The following ZNF607 variants were observed in gnomAD, a reference collection of about 807,000 sequenced individuals.
ZNF607 encodes the protein zinc finger protein 607.
A neutral mutation model predicts 12.8 loss-of-function variants in ZNF607; 5 were observed. That is an observed-to-expected ratio of 0.39 (90% CI 0.20 to 0.82). The LOEUF (loss-of-function observed/expected upper bound fraction) is 0.82, where lower values mean the gene tolerates loss of function less well. ZNF607 is among the 40% of genes least tolerant of loss of function. ZNF607 has a pLI of 0.39. For missense variants in ZNF607, 851 were observed against 859.2 expected (o/e 0.99, Z 0.12); for synonymous variants, 287 against 276.2 (o/e 1.04, Z -0.39).
rs138867404 is a variant in ZNF607 at position 37,705,444 on chromosome 19, G to T, written c.235+2470C>A. On this transcript the variant is annotated intron_variant, in intron 4 of 4. Coordinates refer to ENST00000355202, the MANE Select transcript of ZNF607 (RefSeq NM_032689.5). ...TGGTGGCTCACGCCCCAGCACTTTGGGAGGCTAAGGCAGGCAGATCATCTG... is the reference window on the plus strand; with the variant it reads ...TGGTGGCTCACGCCCCAGCACTTTGTGAGGCTAAGGCAGGCAGATCATCTG... Among the ~76,000 whole-genome samples, 1,005 of 152,160 alleles carry T rather than the reference G, an allele frequency of 6.6e-3. 9 individuals carry two copies. The highest frequency in any genetic ancestry group is 0.012 in the Admixed American group (179 of 15,288).
intron 3 of ZNF607, 27 bp from the exon 4 acceptor site, chr19:37,708,039 A>G (rs1359655112): frequency 3.2e-6 from 5 of 1,576,488 alleles, no homozygotes; most frequent in Non-Finnish European, 4.3e-6. Flanking sequence ...GTGCCACAAA[A>G]TACGGAAATC....
At chr19:37,716,981 C>CT (rs1376141172) in intron 1 of ZNF607, among the ~76,000 whole-genome samples, 1 of 152,118 alleles carries the variant, frequency 6.6e-6, no homozygotes, top group Non-Finnish European at 1.5e-5. Context: ...TATAAAGATT[C>CT]TTTCCTTAGT....
At position 37,698,130 on chromosome 19, in the gene ZNF607, A is replaced by G. The variant is rs747818320; in HGVS notation, c.2001T>C (p.His667=). 2.6e-5 allele frequency: 42 copies of G among 1,614,004 alleles called. No individual in the cohort carries two copies. The East Asian group carries it at 8.9e-4, about 34-fold the overall frequency. ...TACATTTAAAGGGTTTCTCACCAGTATGAACTCTATGATGTATACTAAGTT... is the reference window on the plus strand; with the variant it reads ...TACATTTAAAGGGTTTCTCACCAGTGTGAACTCTATGATGTATACTAAGTT... The part of the protein sequence containing the change: ...SHELSIHHRV[H]TGEKPFKCNK... The change falls in exon 5 of 5, where the codon CAT becomes CAC. Residue 667 remains histidine (H), a synonymous_variant. Coordinates refer to ENST00000355202, the MANE Select transcript of ZNF607 (RefSeq NM_032689.5).
intron 4 of ZNF607, among the ~76,000 whole-genome samples, chr19:37,702,941 ATTTATT>A (rs1436613541): frequency 6.6e-6 from 1 of 151,782 alleles, no homozygotes; most frequent in African/African-American, 2.4e-5. Flanking sequence ...AAATTTATTT[ATTTATT>A]TTTATTTTTA....
chr19:37,700,031 T>A, intron 4 of ZNF607, 136 bp from the exon 5 acceptor site: 1 of 850,718 alleles, frequency 1.2e-6, no homozygotes, highest in Non-Finnish European at 1.7e-6. Context: ...AAAGGAGAGC[T>A]AAAAAAATGA....
In ZNF607 at chr19:37,698,143, T is replaced by A. The variant is rs368954078; in HGVS notation, c.1988A>T (p.His663Leu). The change falls in exon 5 of 5, where the codon CAT becomes CTT. Residue 663 changes from histidine to leucine, a missense_variant. Transcript: ENST00000355202. ...TTTCTCACCAGTATGAACTCTATGA[T>A]GTATACTAAGTTCATGGCTACTATT... is the stretch of plus-strand genomic sequence containing the variant. Reference protein sequence around the residue: ...AFNSSHELSIHHRVHTGEKPF... With the variant: ...AFNSSHELSILHRVHTGEKPF... 6.2e-7 allele frequency: 1 copy of A among 1,613,968 alleles called. No homozygotes were observed. Among genetic ancestry groups the A allele is most frequent in the African/African-American group, 1.3e-5 (1 of 74,934 alleles).
Position 37,698,771 on chromosome 19 carries a change from A to T in ZNF607, c.1360T>A (p.Cys454Ser). The T allele has an allele frequency of 6.2e-7, 1 of 1,613,764 alleles. No homozygotes were observed. Among genetic ancestry groups the T allele is most frequent in the Non-Finnish European group, 8.5e-7 (1 of 1,179,790 alleles). ...GAGGCACAACGAAAGGACTTCCCAC[A>T]TTCTTTACATTCAAAGGGTTTGTAA... ...TGYKPFECKE[C>S]GKSFRCASYL... The change falls in exon 5 of 5, where the codon TGT becomes AGT. Residue 454 changes from cysteine (C) to serine (S), a missense_variant. Physicochemically the swap from Cys to Ser is moderately radical, Grantham distance 112. Transcript: ENST00000355202.
At chr19:37,716,116 T>C (rs974110643) in intron 1 of ZNF607, among the ~76,000 whole-genome samples, 4 of 152,192 alleles carry the variant, frequency 2.6e-5, no homozygotes, top group Non-Finnish European at 5.9e-5. Flanking sequence ...TTGCAACACA[T>C]TGACTTACAG....
intron 1 of ZNF607, among the ~76,000 whole-genome samples, chr19:37,713,267 A>C (rs940732838): frequency 6.6e-6 from 1 of 151,992 alleles, no homozygotes; most frequent in African/African-American, 2.4e-5. Flanking sequence ...AAATCTCTCC[A>C]AACAGACTCT....
chr19:37,715,385 C>T (rs548039734), intron 1 of ZNF607, among the ~76,000 whole-genome samples: 352 of 151,182 alleles, frequency 2.3e-3, no homozygotes, highest in South Asian at 4.2e-3. Context: ...GAGGCTGAGG[C>T]GGGCGGATCA....
At position 37,696,714 on chromosome 19, in the gene ZNF607, C is replaced by T. The variant is rs1257696789; in HGVS notation, c.*1326G>A. On this transcript the variant is annotated 3_prime_UTR_variant, in exon 5 of 5. Coordinates refer to ENST00000355202, the MANE Select transcript of ZNF607 (RefSeq NM_032689.5). Reference sequence around the variant, plus strand: ...GGTATGCAATGTCTTCTGCAGCTTCCAGCTTGCACAGCTCGCTCTGGCCGT... The same window carrying T: ...GGTATGCAATGTCTTCTGCAGCTTCTAGCTTGCACAGCTCGCTCTGGCCGT... 3 of 836,570 alleles carry T rather than the reference C, an allele frequency of 3.6e-6. No homozygotes were observed. Among genetic ancestry groups the T allele is most frequent in the East Asian group, 5.1e-5 (2 of 38,972 alleles). The allele number at this position is 836,570 out of a possible 1,614,324, so 51.8% of individuals were successfully genotyped here.
chr19:37,711,297 A>C (rs958575526), intron 2 of ZNF607, among the ~76,000 whole-genome samples: 18 of 152,354 alleles, frequency 1.2e-4, no homozygotes, highest in African/African-American at 4.3e-4. Context: ...TGACAAAACC[A>C]ACCTGAAATG....
chr19:37,714,845 AC>A, intron 1 of ZNF607, among the ~76,000 whole-genome samples: 1 of 152,264 alleles, frequency 6.6e-6, no homozygotes, highest in Non-Finnish European at 1.5e-5. Flanking sequence ...GTTAAAAAAT[AC>A]CACATGCTCA....
chr19:37,710,675 C>G (rs958046216), intron 2 of ZNF607, among the ~76,000 whole-genome samples: 3 of 152,082 alleles, frequency 2.0e-5, no homozygotes, highest in African/African-American at 7.2e-5. Context: ...AGGTATCTGA[C>G]CTTTTTGAAA....
At chr19:37,714,991 C>G (rs1281703370) in intron 1 of ZNF607, among the ~76,000 whole-genome samples, 1 of 152,022 alleles carries the variant, frequency 6.6e-6, no homozygotes, top group Non-Finnish European at 1.5e-5. Flanking sequence ...ACTGCAACCT[C>G]CACCTCCCAG....
At chr19:37,713,937 C>G (rs190152374) in intron 1 of ZNF607, among the ~76,000 whole-genome samples, 1 of 152,236 alleles carries the variant, frequency 6.6e-6, no homozygotes, top group African/African-American at 2.4e-5. Flanking sequence ...TGGTAACATC[C>G]TATGCCATGA....
chr19:37,697,968 A>C lies in ZNF607; in HGVS notation c.*72T>G. The stretch of plus-strand genomic sequence containing the variant: ...AGCCATTCCACATTGTCTTCATTCA[A>C]ATTGTTCAGTGGGATAAATCCATTG... On this transcript the variant is annotated 3_prime_UTR_variant, in exon 5 of 5. Coordinates refer to ENST00000355202, the MANE Select transcript of ZNF607 (RefSeq NM_032689.5). The C allele has an allele frequency of 7.1e-7, 1 of 1,405,444 alleles. No individual in the cohort carries two copies. The highest frequency in any genetic ancestry group is 9.6e-7 in the Non-Finnish European group (1 of 1,046,316). 87.1% of individuals were successfully genotyped at this position (1,405,444 alleles called of 1,614,324 possible). A position where few individuals can be genotyped will look rare whatever the true frequency, so the allele number is the denominator to read the frequency against.
intron 1 of ZNF607, among the ~76,000 whole-genome samples, chr19:37,717,068 T>A (rs1232044130): frequency 6.6e-6 from 1 of 152,242 alleles, no homozygotes; most frequent in East Asian, 1.9e-4. Context: ...GCACACATTA[T>A]ATGCTCAGTA....
At chr19:37,700,721 G>A (rs550959576) in intron 4 of ZNF607, among the ~76,000 whole-genome samples, 1 of 152,108 alleles carries the variant, frequency 6.6e-6, no homozygotes, top group Non-Finnish European at 1.5e-5. Context: ...GAATTTAAGA[G>A]CAAGGTACAG....
Sources: allele counts gnomAD v4.1 joint callset (sites outside exome capture counted in the v4.1 genomes callset), GRCh38; gene constraint gnomAD v4.1.1; transcripts MANE v1.5; gene names NCBI Gene and HGNC (gene_info 2026-07-23, HGNC 2026-07-21).